Variants in VCAM1 observed in about 807,000 individuals in gnomAD.
The protein encoded by VCAM1 is vascular cell adhesion protein 1.
Under a neutral mutation model 63.8 loss-of-function variants are expected in VCAM1, and 41 were observed. That is an observed-to-expected ratio of 0.64 (90% CI 0.50 to 0.83). The LOEUF (loss-of-function observed/expected upper bound fraction) is 0.83. VCAM1 is among the 40% of genes least tolerant of loss of function. VCAM1 has a pLI of 0.00. For synonymous variants in VCAM1, 338 were observed against 320.7 expected, an observed-to-expected ratio of 1.05 and a Z score of -0.58; for missense variants, 798 against 875.5, an observed-to-expected ratio of 0.91 and a Z score of 1.12.
At chr1:100,726,291 A>G (rs1660158652) in intron 4 of VCAM1, among the ~76,000 whole-genome samples, 2 of 152,042 alleles carry the variant, frequency 1.3e-5, no homozygotes, top group African/African-American at 2.4e-5. Context: ...ATTATCTTTA[A>G]ATAGTCTCCC....
chr1:100,729,324 G>C lies in VCAM1; in HGVS notation c.1146G>C (p.Leu382=), dbSNP rs1571458280. ...GTTTTGAGAACGAACACTCTTATCT[G>C]TGCACAGTGACTTGTGGACATAAGA... ...PVSFENEHSY[L]CTVTCGHKKL... Residue 382 remains leucine, a synonymous_variant, in exon 5 of 9, where the codon CTG becomes CTC. Transcript: ENST00000294728. The C allele has an allele frequency of 6.2e-7, 1 of 1,613,238 alleles. No individual in the cohort carries two copies.
chr1:100,725,166 G>T (rs536710143), intron 4 of VCAM1, among the ~76,000 whole-genome samples: 2 of 151,190 alleles, frequency 1.3e-5, no homozygotes, highest in South Asian at 4.2e-4. Flanking sequence ...CCTTCCCCTT[G>T]GATATTGGTA....
Position 100,738,349 on chromosome 1 carries a change from T to C in VCAM1, c.*66T>C. The C allele has an allele frequency of 3.3e-6, 5 of 1,503,620 alleles. No homozygotes were observed. Among genetic ancestry groups the C allele is most frequent in the Non-Finnish European group, 3.6e-6 (4 of 1,115,252 alleles). 93.1% of individuals were successfully genotyped at this position (1,503,620 alleles called of 1,614,324 possible). A position where few individuals can be genotyped will look rare whatever the true frequency, so the allele number is the denominator to read the frequency against. On this transcript the variant is annotated 3_prime_UTR_variant, in exon 9 of 9. Coordinates refer to ENST00000294728, the MANE Select transcript of VCAM1 (RefSeq NM_001078.4). ...TGCAAATCCTTGATACTGCTCATCA[T>C]TCCTTGAGAAAAACAATGAGCTGAG...
intron 6 of VCAM1, 128 bp from the exon 7 acceptor site, chr1:100,732,287 TGTG>T (rs1660489122): frequency 2.2e-6 from 2 of 927,572 alleles, no homozygotes; most frequent in African/African-American, 3.4e-5. Context: ...CAAAACCTCT[TGTG>T]GTGAATTATC....
Position 100,723,336 on chromosome 1 carries a change from C to T in VCAM1, c.657C>T (p.Val219=), listed in dbSNP as rs1488987419. The part of the protein sequence containing the change: ...TVRQAVKELQ[V]YISPKNTVIS... The stretch of plus-strand genomic sequence containing the variant: ...GGCAGGCTGTAAAAGAATTGCAAGT[C>T]TACAGTAAGTACTTGTGCGATGTGT... Residue 219 remains valine (V), a synonymous_variant, in exon 3 of 9, where the codon GTC becomes GTT. Transcript: ENST00000294728. 13 of 1,611,350 alleles carry T rather than the reference C, an allele frequency of 8.1e-6. No homozygotes were observed. Among genetic ancestry groups the T allele is most frequent in the Non-Finnish European group, 1.1e-5 (13 of 1,178,452 alleles).
chr1:100,720,359 A>G, intron 1 of VCAM1, 117 bp from the exon 2 acceptor site: 1 of 1,372,950 alleles, frequency 7.3e-7, no homozygotes. Flanking sequence ...AGTTAGTTTG[A>G]AGCAGCTTAG....
At chr1:100,721,576 G>C (rs536102951) in intron 2 of VCAM1, among the ~76,000 whole-genome samples, 1 of 152,152 alleles carries the variant, frequency 6.6e-6, no homozygotes, top group Non-Finnish European at 1.5e-5. Context: ...TCTTCATGAA[G>C]ACCTCATTTG....
chr1:100,730,604 A>T (rs908153070), intron 5 of VCAM1, among the ~76,000 whole-genome samples: 20 of 152,138 alleles, frequency 1.3e-4, no homozygotes, highest in African/African-American at 4.8e-4. Context: ...GTCTTATTTG[A>T]TACTGAGAGA....
intron 1 of VCAM1, 82 bp from the exon 2 acceptor site, chr1:100,720,394 T>C (rs758473543): frequency 4.5e-5 from 67 of 1,492,676 alleles, no homozygotes; most frequent in Admixed American, 1.5e-4. Flanking sequence ...TGATCATATT[T>C]TAGACATTAT....
chr1:100,724,634 G>T lies in VCAM1; in HGVS notation c.672G>T (p.Lys224Asn), dbSNP rs1660094930. The T allele has an allele frequency of 6.2e-7, 1 of 1,612,438 alleles. No homozygotes were observed. The highest frequency in any genetic ancestry group is 1.1e-5 in the South Asian group (1 of 91,006). The change falls in exon 4 of 9, where the codon AAG becomes AAT. Residue 224 changes from lysine to asparagine, a missense_variant. Transcript: ENST00000294728. ...TTTTTGCCCTTTCAGTATCACCCAA[G>T]AATACAGTTATTTCTGTGAATCCAT... The part of the protein sequence containing the change: ...VKELQVYISP[K>N]NTVISVNPST...
Position 100,731,158 on chromosome 1 carries a change from A to G in VCAM1, c.1205-40A>G, listed in dbSNP as rs760971053. On this transcript the variant is annotated intron_variant, in intron 5 of 8. Transcript: ENST00000294728. This position sits in a 1 kb window ranked among gnomAD's most constrained non-coding sequence, Gnocchi z 4.2. ...TAAAGCTTAGCTCAATTTTTCCTTG[A>G]ATATCAAGAATAAAAATCGTTTTTG... 3.2e-6 allele frequency: 5 copies of G among 1,544,956 alleles called. No individual in the cohort carries two copies. The highest frequency in any genetic ancestry group is 3.5e-6 in the Non-Finnish European group (4 of 1,149,368).
At position 100,737,859 on chromosome 1, in the gene VCAM1, ACTGAAC is replaced by A. The variant is rs1660712739; in HGVS notation, c.2060-258_2060-253del. ...CTTGTACCCTCCCTTCCATTTTACA[ACTGAAC>A]CTGAATCTATTTGAATCCAAGTTTG... On this transcript the variant is annotated intron_variant, in intron 8 of 8. Transcript: ENST00000294728. 3 of 255,432 alleles carry A rather than the reference ACTGAAC, an allele frequency of 1.2e-5. No homozygotes were observed. In the South Asian group the frequency reaches 2.5e-4, roughly 22 times the overall value. 15.8% of individuals were successfully genotyped at this position (255,432 alleles called of 1,614,324 possible).
chr1:100,719,784 C>G lies in VCAM1; in HGVS notation c.-77C>G. On this transcript the variant is annotated 5_prime_UTR_variant, in exon 1 of 9. Transcript: ENST00000294728. ...CCTCACTGGCTTCAGGAGCTGAATA[C>G]CCTCCCAGGCACACACAGGTGGGAC... 3 of 1,483,470 alleles carry G rather than the reference C, an allele frequency of 2.0e-6. No individual in the cohort carries two copies. The highest frequency in any genetic ancestry group is 1.8e-4 in the Middle Eastern group (1 of 5,630). 91.9% of individuals were successfully genotyped at this position (1,483,470 alleles called of 1,614,324 possible).
chr1:100,725,258 C>A (rs1660122386), intron 4 of VCAM1, among the ~76,000 whole-genome samples: 1 of 151,834 alleles, frequency 6.6e-6, no homozygotes, highest in Non-Finnish European at 1.5e-5. Flanking sequence ...TGATTACTCC[C>A]AAATTCATGT....
At chr1:100,726,703 G>T (rs144655702) in intron 4 of VCAM1, among the ~76,000 whole-genome samples, 2 of 152,010 alleles carry the variant, frequency 1.3e-5, no homozygotes, top group Non-Finnish European at 2.9e-5. Context: ...AAGAATCCAA[G>T]AATTGTACTT....
chr1:100,719,872 G>C lies in VCAM1; in HGVS notation c.12G>C (p.Lys4Asn), dbSNP rs1264341474. The C allele has an allele frequency of 4.3e-6, 7 of 1,611,670 alleles. No homozygotes were observed. Among genetic ancestry groups the C allele is most frequent in the Non-Finnish European group, 5.1e-6 (6 of 1,178,342 alleles). Residue 4 changes from lysine to asparagine, a missense_variant, in exon 1 of 9, where the codon AAG becomes AAC. Physicochemically the swap from Lys to Asn is moderately conservative, Grantham distance 94 (BLOSUM62 0). Transcript: ENST00000294728. The part of the protein sequence containing the change: MPG[K>N]MVVILGASNI... ...GACAGCAACTTAAAATGCCTGGGAA[G>C]ATGGTCGTGATCCTTGGAGCCTCAA...
intron 4 of VCAM1, among the ~76,000 whole-genome samples, chr1:100,728,616 G>A (rs1217736271): frequency 2.0e-5 from 3 of 151,858 alleles, no homozygotes; most frequent in South Asian, 4.1e-4. Flanking sequence ...GAAGAAAAAG[G>A]AGGGGGAAAA....
At position 100,723,081 on chromosome 1, in the gene VCAM1, A is replaced by T. The variant is rs759839912; in HGVS notation, c.402A>T (p.Thr134=). Residue 134 remains threonine, a synonymous_variant, in exon 3 of 9, where the codon ACA becomes ACT. Coordinates refer to ENST00000294728, the MANE Select transcript of VCAM1 (RefSeq NM_001078.4). ...CTCTGGAGGCTGGGAAGCCGATCAC[A>T]GTCAAGTGTTCAGTTGCTGATGTAT... ...SGPLEAGKPI[T]VKCSVADVYP... is the part of the protein sequence containing the mutation. 2 of 1,612,962 alleles carry T rather than the reference A, an allele frequency of 1.2e-6. No individual in the cohort carries two copies. Among genetic ancestry groups the T allele is most frequent in the Non-Finnish European group, 1.7e-6 (2 of 1,179,392 alleles).
At chr1:100,729,666 T>C (rs1040494119) in intron 5 of VCAM1, among the ~76,000 whole-genome samples, 1 of 152,158 alleles carries the variant, frequency 6.6e-6, no homozygotes. Flanking sequence ...GGTGAGTGCA[T>C]TGGGGTCAGT....
Sources: allele counts gnomAD v4.1 joint callset (sites outside exome capture counted in the v4.1 genomes callset), GRCh38; gene constraint gnomAD v4.1.1; non-coding constraint Gnocchi (gnomAD v3.1); transcripts MANE v1.5; gene names NCBI Gene and HGNC (gene_info 2026-07-23, HGNC 2026-07-21).